The following CPNE4 variants were observed in gnomAD, a reference collection of about 807,000 sequenced individuals.
CPNE4 encodes the protein copine 4.
Under a neutral mutation model 67.9 loss-of-function variants are expected in CPNE4, and 25 were observed. That is an observed-to-expected ratio of 0.37 (90% CI 0.27 to 0.51). The LOEUF (loss-of-function observed/expected upper bound fraction) is 0.51, where lower values mean the gene tolerates loss of function less well. Among genes scored for constraint, CPNE4 ranks in the 20% least tolerant of loss-of-function variants. The pLI is 0.93. For synonymous variants in CPNE4, 242 were observed against 244.9 expected (o/e 0.99, Z 0.11); for missense variants, 464 against 690.8 (o/e 0.67, Z 3.68).
chr3:131,628,477 A>G (rs1366157355), intron 7 of CPNE4, among the ~76,000 whole-genome samples: 1 of 152,282 alleles, frequency 6.6e-6, no homozygotes, highest in Non-Finnish European at 1.5e-5. Context: ...GAATGGTACC[A>G]GCTCCTCCTT....
At chr3:131,959,575 G>A (rs936577284) in intron 1 of CPNE4, among the ~76,000 whole-genome samples, 29 of 152,008 alleles carry the variant, frequency 1.9e-4, no homozygotes, top group African/African-American at 5.3e-4. Flanking sequence ...GAACTCTGTC[G>A]AAAACACCAT....
chr3:131,672,675 T>C (rs1326344221), intron 6 of CPNE4, among the ~76,000 whole-genome samples: 2 of 152,128 alleles, frequency 1.3e-5, no homozygotes, highest in Admixed American at 1.3e-4. Flanking sequence ...CATTTCCAAA[T>C]TGAATTATTA....
chr3:131,949,142 A>C (rs2071645239), intron 1 of CPNE4, among the ~76,000 whole-genome samples: 1 of 152,226 alleles, frequency 6.6e-6, no homozygotes, highest in African/African-American at 2.4e-5. Context: ...TTGCTAAATA[A>C]ATGGTAGTAC....
intron 12 of CPNE4, among the ~76,000 whole-genome samples, chr3:131,553,699 C>A (rs1246491231): frequency 6.6e-6 from 1 of 152,070 alleles, no homozygotes; most frequent in Non-Finnish European, 1.5e-5. Context: ...GCATCCAAAC[C>A]CTTGTCTCAA....
chr3:132,023,766 C>T (rs531046416), intron 1 of CPNE4, among the ~76,000 whole-genome samples: 5 of 152,188 alleles, frequency 3.3e-5, no homozygotes, highest in Admixed American at 2.6e-4. Flanking sequence ...GGATTACAGG[C>T]GTGAGCCACC....
rs118110269 is a variant in CPNE4 at position 131,665,777 on chromosome 3, A to G, written c.681+3898T>C. 2.6e-5 allele frequency among the ~76,000 whole-genome samples: 4 copies of G among 152,298 alleles called. No individual in the cohort carries two copies. The East Asian group carries it at 7.7e-4, about 29-fold the overall frequency. On this transcript the variant is annotated intron_variant, in intron 7 of 15. Transcript: ENST00000429747. ...CAAATATTAGTTTAAGAAAAAATTC[A>G]ATGACCTTCATTTATGCAAACAATA...
intron 3 of CPNE4, among the ~76,000 whole-genome samples, chr3:131,721,755 G>A (rs535273331): frequency 6.6e-6 from 1 of 152,126 alleles, no homozygotes; most frequent in Non-Finnish European, 1.5e-5. Context: ...GATGCCCATT[G>A]TTTAAGGGAG....
intron 11 of CPNE4, among the ~76,000 whole-genome samples, chr3:131,561,018 G>T (rs1391342804): frequency 6.6e-6 from 1 of 152,022 alleles, no homozygotes; most frequent in East Asian, 1.9e-4. Context: ...GTCAGATTGG[G>T]TTTCAGTTCT....
intron 2 of CPNE4, among the ~76,000 whole-genome samples, chr3:131,748,263 G>C (rs1004686556): frequency 6.6e-6 from 1 of 151,862 alleles, no homozygotes; most frequent in African/African-American, 2.4e-5. Flanking sequence ...CCAATCTTTG[G>C]TTTTTAAATT....
intron 2 of CPNE4, among the ~76,000 whole-genome samples, chr3:131,856,347 G>A (rs191076154): frequency 3.9e-5 from 6 of 151,902 alleles, no homozygotes; most frequent in Admixed American, 1.3e-4. Context: ...CTCCCAAAGT[G>A]CTAGGATTAC....
intron 2 of CPNE4, among the ~76,000 whole-genome samples, chr3:131,872,696 G>A (rs1189154823): frequency 1.3e-5 from 2 of 152,160 alleles, no homozygotes; most frequent in East Asian, 3.9e-4. Context: ...ACTTCTGTCT[G>A]GTTCTCTCTG....
chr3:131,838,161 T>C (rs923300697), intron 2 of CPNE4, among the ~76,000 whole-genome samples: 7 of 151,964 alleles, frequency 4.6e-5, no homozygotes, highest in Non-Finnish European at 7.4e-5. Context: ...AAAATAAAAA[T>C]GTCAAAAAAT....
At chr3:131,971,156 C>T (rs1001282289) in intron 1 of CPNE4, among the ~76,000 whole-genome samples, 2 of 152,196 alleles carry the variant, frequency 1.3e-5, no homozygotes, top group African/African-American at 4.8e-5. Context: ...CAGAGCTCAG[C>T]TGGGTCTGTT....
intron 4 of CPNE4, 64 bp downstream of exon 4, chr3:131,699,845 G>A: frequency 7.3e-7 from 1 of 1,365,166 alleles, no homozygotes; most frequent in Non-Finnish European, 1.0e-6. Flanking sequence ...TGTCTGGTTT[G>A]GGCTGGCCAG....
At chr3:131,794,169 C>T (rs1033057707) in intron 2 of CPNE4, among the ~76,000 whole-genome samples, 1 of 151,992 alleles carries the variant, frequency 6.6e-6, no homozygotes, top group Non-Finnish European at 1.5e-5. Context: ...ACATACAGAC[C>T]TTTATGATCA....
intron 5 of CPNE4, among the ~76,000 whole-genome samples, chr3:131,693,952 G>A (rs1050180629): frequency 1.3e-5 from 2 of 152,024 alleles, no homozygotes; most frequent in African/African-American, 2.4e-5. Flanking sequence ...AGTAAGTCAT[G>A]CCACATCTCT....
chr3:131,909,207 A>C (rs1483904769), intron 1 of CPNE4, among the ~76,000 whole-genome samples: 2 of 152,178 alleles, frequency 1.3e-5, no homozygotes, highest in African/African-American at 4.8e-5. Context: ...CACAAGTCAG[A>C]CAGTAAAACA....
chr3:131,793,240 C>T (rs537673919), intron 2 of CPNE4, among the ~76,000 whole-genome samples: 51 of 151,828 alleles, frequency 3.4e-4, no homozygotes, highest in Non-Finnish European at 6.2e-4. Context: ...TCACAGTTTT[C>T]CTCATTCTTG....
intron 2 of CPNE4, among the ~76,000 whole-genome samples, chr3:131,764,051 C>A (rs956802734): frequency 6.6e-6 from 1 of 151,984 alleles, no homozygotes; most frequent in Non-Finnish European, 1.5e-5. Context: ...GTGAACTGAG[C>A]CACAAGGATT....
Sources: allele counts gnomAD v4.1 joint callset (sites outside exome capture counted in the v4.1 genomes callset), GRCh38; gene constraint gnomAD v4.1.1; transcripts MANE v1.5; gene names NCBI Gene and HGNC (gene_info 2026-07-23, HGNC 2026-07-21).